Variants in AFAP1L2 observed in about 807,000 individuals in gnomAD.
AFAP1L2 encodes the protein actin filament associated protein 1 like 2.
AFAP1L2 carries 46 observed loss-of-function variants against 99.3 expected under a neutral mutation model. The observed-to-expected ratio is 0.46, with a 90% CI of 0.37 to 0.59. AFAP1L2 has a LOEUF of 0.59. Among genes scored for constraint, AFAP1L2 ranks in the 20% least tolerant of loss-of-function variants. The pLI is 0.00. For missense variants in AFAP1L2, 959 were observed against 1,034.9 expected (o/e 0.93, Z 1.01); for synonymous variants, 397 against 419.1 (o/e 0.95, Z 0.64).
chr10:114,379,792 T>G (rs7896317), intron 1 of AFAP1L2, among the ~76,000 whole-genome samples: 120,129 of 152,164 alleles, frequency 0.79, 47,701 homozygotes, highest in African/African-American at 0.86. Context: ...ATAAGTCTGA[T>G]GATATGAAAG....
At chr10:114,404,315 G>C (rs1350348849) in intron 1 of AFAP1L2, 125 bp downstream of exon 1, 2 of 1,146,458 alleles carry the variant, frequency 1.7e-6, no homozygotes, top group African/African-American at 1.5e-5. Context: ...GCCCAGGTCC[G>C]GGCTGGGTGG....
chr10:114,382,551 CTA>C (rs2055797174), intron 1 of AFAP1L2, among the ~76,000 whole-genome samples: 1 of 148,554 alleles, frequency 6.7e-6, no homozygotes, highest in Non-Finnish European at 1.5e-5. Context: ...TGATAGCACT[CTA>C]TCAATTTAGC....
chr10:114,326,766 G>C (rs1341930162), intron 4 of AFAP1L2, among the ~76,000 whole-genome samples: 6 of 152,100 alleles, frequency 3.9e-5, no homozygotes, highest in Non-Finnish European at 2.9e-5. Flanking sequence ...GCATAAGAAG[G>C]GGAGAATAGA....
intron 3 of AFAP1L2, among the ~76,000 whole-genome samples, chr10:114,332,926 C>T (rs994451061): frequency 6.6e-6 from 1 of 152,240 alleles, no homozygotes; most frequent in Admixed American, 6.5e-5. Flanking sequence ...CACACAGCTG[C>T]TTTCTTCGAA....
chr10:114,371,402 A>T (rs1165173662), intron 1 of AFAP1L2, among the ~76,000 whole-genome samples: 2 of 152,206 alleles, frequency 1.3e-5, no homozygotes, highest in African/African-American at 4.8e-5. Flanking sequence ...GTAGTTGTAA[A>T]CACTGATTCT....
At chr10:114,282,164 C>T in the AFAP1L2 span, among the ~76,000 whole-genome samples, 2 of 152,088 alleles carry the variant, frequency 1.3e-5, no homozygotes, top group African/African-American at 2.4e-5. Flanking sequence ...CCACCACGCC[C>T]AGCTAATTTT....
rs148962632 is a variant in AFAP1L2, at chr10:114,327,173, A to ATT, written c.316-3914_316-3913dup. The stretch of plus-strand genomic sequence containing the variant: ...TATATATATATATATATATATATAT[A>ATT]TTTTTTTTTTAGGCAGAGTCTCACT... On this transcript the variant is annotated intron_variant, in intron 4 of 18. Coordinates refer to ENST00000304129, the MANE Select transcript of AFAP1L2 (RefSeq NM_001001936.3). Among the ~76,000 whole-genome samples the ATT allele has an allele frequency of 5.1e-3, 96 of 18,690 alleles. 7 individuals are homozygous for ATT. Among genetic ancestry groups the ATT allele is most frequent in the African/African-American group, 8.7e-3 (76 of 8,728 alleles). The allele number at this position is 18,690 out of a possible 152,430, so 12.3% of individuals were successfully genotyped here.
At chr10:114,402,951 A>T (rs1165791593) in intron 1 of AFAP1L2, among the ~76,000 whole-genome samples, 1 of 152,180 alleles carries the variant, frequency 6.6e-6, no homozygotes, top group East Asian at 1.9e-4. Context: ...ATTCCCAGAG[A>T]GGGTCCCTCC....
rs761441519 is a variant in AFAP1L2, at chr10:114,340,644, C to T, written c.104G>A (p.Ser35Asn). The T allele has an allele frequency of 6.2e-7, 1 of 1,614,228 alleles. No homozygotes were observed. Among genetic ancestry groups the T allele is most frequent in the Non-Finnish European group, 8.5e-7 (1 of 1,180,040 alleles). Residue 35 changes from serine to asparagine, a missense_variant, in exon 2 of 19, where the codon AGC becomes AAC. By Grantham distance (46) the Ser-to-Asn change is conservative. Transcript: ENST00000304129. ...AAGCCGGAGGAGCTCCGCCAGGCAGCTCTTCTTCACCAGTGCTGTGCTGCT... is the reference window on the plus strand; with the variant it reads ...AAGCCGGAGGAGCTCCGCCAGGCAGTTCTTCTTCACCAGTGCTGTGCTGCT... ...NLSSTALVKK[S>N]CLAELLRLYT... is the part of the protein sequence containing the mutation.
At position 114,307,838 on chromosome 10, in the gene AFAP1L2, G is replaced by T; in HGVS notation, c.1039C>A (p.Leu347Met). Residue 347 changes from leucine to methionine, a missense_variant, in exon 10 of 19, where the codon CTG (leucine) becomes ATG (methionine). Transcript: ENST00000304129. ...MNLGRKKSTS[L>M]EPVERSLETS... ...TCGAGGGACCTCTCCACAGGCTCCAGTGAGGTGGATTTCTTCCTGCCCAGA... is the reference window on the plus strand; with the variant it reads ...TCGAGGGACCTCTCCACAGGCTCCATTGAGGTGGATTTCTTCCTGCCCAGA... 2 of 1,614,148 alleles carry T rather than the reference G, an allele frequency of 1.2e-6. No homozygotes were observed. Among genetic ancestry groups the T allele is most frequent in the Non-Finnish European group, 1.7e-6 (2 of 1,180,028 alleles).
At chr10:114,286,194 G>A in the AFAP1L2 span, 35 of 1,614,014 alleles carry the variant, frequency 2.2e-5, no homozygotes, top group African/African-American at 3.7e-4. Context: ...TTCCGTGGTG[G>A]CCCCACCCTG....
intron 1 of AFAP1L2, among the ~76,000 whole-genome samples, chr10:114,395,663 C>T (rs2057625244): frequency 1.3e-5 from 2 of 152,142 alleles, no homozygotes; most frequent in African/African-American, 4.8e-5. Context: ...AGGATTCCCA[C>T]TTGTTGGGCT....
rs575687217 is a variant in AFAP1L2 at position 114,401,937 on chromosome 10, G to A, written c.16+2503C>T. ...TTGCAAATTAGAGAAAACATTTTGA[G>A]ACTCTGAAGACAGCCATGAGGCATT... On this transcript the variant is annotated intron_variant, in intron 1 of 18. Coordinates refer to ENST00000304129, the MANE Select transcript of AFAP1L2 (RefSeq NM_001001936.3). Among the ~76,000 whole-genome samples the A allele has an allele frequency of 3.9e-5, 6 of 152,326 alleles. No homozygotes were observed. In the East Asian group the frequency reaches 1.2e-3, roughly 29 times the overall value.
intron 10 of AFAP1L2, among the ~76,000 whole-genome samples, chr10:114,307,224 T>C (rs1264539365): frequency 6.6e-6 from 1 of 152,042 alleles, no homozygotes; most frequent in Non-Finnish European, 1.5e-5. Flanking sequence ...CATTGTCCCC[T>C]TCATAGTCTC....
At chr10:114,292,209 G>A (rs538386421), downstream of AFAP1L2, among the ~76,000 whole-genome samples, 6 of 149,624 alleles carry the variant, frequency 4.0e-5, no homozygotes, top group African/African-American at 7.4e-5. Context: ...CCTGGGAGGC[G>A]GAAGTTACAG....
chr10:114,335,177 G>C (rs1476096038), intron 2 of AFAP1L2, among the ~76,000 whole-genome samples: 1 of 152,076 alleles, frequency 6.6e-6, no homozygotes, highest in African/African-American at 2.4e-5. Context: ...TGATTTTGGA[G>C]GATACATTTT....
intron 15 of AFAP1L2, 56 bp downstream of exon 15, chr10:114,300,138 T>TAG (rs2040883035): frequency 6.2e-7 from 1 of 1,611,928 alleles, no homozygotes; most frequent in East Asian, 2.2e-5. Flanking sequence ...TCTGTCCCTC[T>TAG]AGAGAACCCT....
chr10:114,358,920 T>TA (rs57335416), intron 1 of AFAP1L2, among the ~76,000 whole-genome samples: 35 of 150,634 alleles, frequency 2.3e-4, no homozygotes, highest in African/African-American at 8.6e-4. Context: ...CATCTCAAAA[T>TA]AAAAAAAAAA....
chr10:114,392,597 A>G (rs575342763), intron 1 of AFAP1L2, among the ~76,000 whole-genome samples: 1 of 152,350 alleles, frequency 6.6e-6, no homozygotes, highest in African/African-American at 2.4e-5. Context: ...GTGACACCAC[A>G]GAATCTTATC....
Sources: allele counts gnomAD v4.1 joint callset (sites outside exome capture counted in the v4.1 genomes callset), GRCh38; gene constraint gnomAD v4.1.1; transcripts MANE v1.5; gene names NCBI Gene and HGNC (gene_info 2026-07-23, HGNC 2026-07-21).